JAKMIP1: variants seen among roughly 807,000 people sequenced by gnomAD.
The protein encoded by JAKMIP1 is janus kinase and microtubule-interacting protein 1.
Under a neutral mutation model 113.0 loss-of-function variants are expected in JAKMIP1, and 33 were observed. The ratio of observed to expected loss-of-function variants is 0.29; its 90% CI spans 0.22 to 0.39. JAKMIP1 has a LOEUF of 0.39. Among genes scored for constraint, JAKMIP1 ranks in the 10% least tolerant of loss-of-function variants. The probability of loss-of-function intolerance (pLI) is 1.00; values close to 1 mark genes in which losing one functional copy is unlikely to be tolerated. For synonymous variants in JAKMIP1, 480 were observed against 459.9 expected, an observed-to-expected ratio of 1.04 and a Z score of -0.56; for missense variants, 813 against 1,080.5, an observed-to-expected ratio of 0.75 and a Z score of 3.47.
At position 6,105,170 on chromosome 4, in the gene JAKMIP1, A is replaced by G. The variant is rs534669776; in HGVS notation, c.624+303T>C. ...CTTACCTGGAGATGGAAGTCTGCTCATGGTTGTTGAAGTAAATGAATCAAT... is the reference window on the plus strand; with the variant it reads ...CTTACCTGGAGATGGAAGTCTGCTCGTGGTTGTTGAAGTAAATGAATCAAT... On this transcript the variant is annotated intron_variant, in intron 3 of 20. Transcript: ENST00000409021. Among the ~76,000 whole-genome samples, 22 of 152,348 alleles carry G rather than the reference A, an allele frequency of 1.4e-4. No homozygotes were observed. In the South Asian group the frequency reaches 2.7e-3, roughly 19 times the overall value.
intron 8 of JAKMIP1, among the ~76,000 whole-genome samples, chr4:6,074,932 G>C (rs2108809949): frequency 6.6e-6 from 1 of 152,372 alleles, no homozygotes; most frequent in South Asian, 2.1e-4. Flanking sequence ...AGGTGTGTAG[G>C]AGGCTAGACC....
At position 6,049,734 on chromosome 4, in the gene JAKMIP1, A is replaced by AAAAAC. The variant is rs907000654; in HGVS notation, c.1962+80_1962+84dup. 3.9e-6 allele frequency: 4 copies of AAAAAC among 1,034,230 alleles called. No homozygotes were observed. The highest frequency in any genetic ancestry group is 1.4e-5 in the South Asian group (1 of 73,614). 64.1% of individuals were successfully genotyped at this position (1,034,230 alleles called of 1,614,324 possible). ...AGATCTCTTACATCAGAGAGAAATT[A>AAAAAC]AAAACAAAACAAAACAAAAGTCACA... is the stretch of plus-strand genomic sequence containing the variant. On this transcript the variant is annotated intron_variant, in intron 15 of 20. Coordinates refer to ENST00000409021, the MANE Select transcript of JAKMIP1 (RefSeq NM_001099433.2). The surrounding 1 kb of genome is among the most constrained non-coding windows in gnomAD (Gnocchi z 7.0).
chr4:6,149,340 G>T lies in JAKMIP1; in HGVS notation c.-147-36343C>A, dbSNP rs560118906. On this transcript the variant is annotated intron_variant, in intron 1 of 20. Transcript: ENST00000409021. Reference sequence around the variant, plus strand: ...CAACACTAAGGGCTTTCTCCCAGGAGGAAGAGACAAGCGGAGAAGAACTGC... The same window carrying T: ...CAACACTAAGGGCTTTCTCCCAGGATGAAGAGACAAGCGGAGAAGAACTGC... Among the ~76,000 whole-genome samples the T allele has an allele frequency of 1.3e-4, 20 of 152,310 alleles. No homozygotes were observed. The South Asian group carries it at 3.9e-3, about 30-fold the overall frequency.
At position 6,081,216 on chromosome 4, in the gene JAKMIP1, G is replaced by A. The variant is rs1011964456; in HGVS notation, c.1101+393C>T. Reference sequence around the variant, plus strand: ...AACCCCTCTGCAGAGCATCGCCAGCGATCATTGTAACAGCTTTCACTTGCT... The same window carrying A: ...AACCCCTCTGCAGAGCATCGCCAGCAATCATTGTAACAGCTTTCACTTGCT... On this transcript the variant is annotated intron_variant, in intron 6 of 20. Coordinates refer to ENST00000409021, the MANE Select transcript of JAKMIP1 (RefSeq NM_001099433.2). The surrounding 1 kb of genome is among the most constrained non-coding windows in gnomAD (Gnocchi z 4.6). Among the ~76,000 whole-genome samples the A allele has an allele frequency of 2.0e-5, 3 of 152,204 alleles. No individual in the cohort carries two copies. Among genetic ancestry groups the A allele is most frequent in the Non-Finnish European group, 4.4e-5 (3 of 68,040 alleles).
At chr4:6,056,820 A>G (rs1716536762) in intron 11 of JAKMIP1, 61 bp from the exon 12 acceptor site, 1 of 1,142,378 alleles carries the variant, frequency 8.8e-7, no homozygotes, top group Admixed American at 1.7e-5. Flanking sequence ...CAAGTAACAA[A>G]CTTTTAGTGA....
At position 6,042,235 on chromosome 4, in the gene JAKMIP1, AC is replaced by A; in HGVS notation, c.2029-9del. ...CTCTATTTGCTTCAGCCACTAGAAA[AC>A]AGCAGGGACAGGACGGGTGCAGCAA... On this transcript the variant is annotated splice_polypyrimidine_tract_variant and intron_variant, in intron 16 of 20. Coordinates refer to ENST00000409021, the MANE Select transcript of JAKMIP1 (RefSeq NM_001099433.2). This position sits in a 1 kb window ranked among gnomAD's most constrained non-coding sequence, Gnocchi z 5.2. The A allele has an allele frequency of 6.2e-7, 1 of 1,612,366 alleles. No homozygotes were observed.
chr4:6,056,630 T>C, intron 12 of JAKMIP1, 67 bp downstream of exon 12: 1 of 1,260,974 alleles, frequency 7.9e-7, no homozygotes, highest in Non-Finnish European at 1.2e-6. Context: ...ACCCGTGTAG[T>C]CTGAGCAGGC....
intron 1 of JAKMIP1, among the ~76,000 whole-genome samples, chr4:6,160,522 A>AT (rs1722774728): frequency 6.6e-6 from 1 of 152,130 alleles, no homozygotes; most frequent in Non-Finnish European, 1.5e-5. Context: ...CGCATGCTGC[A>AT]TGCCCTGCTC....
chr4:6,189,107 C>T (rs1007660456), intron 1 of JAKMIP1, among the ~76,000 whole-genome samples: 12 of 152,168 alleles, frequency 7.9e-5, no homozygotes, highest in African/African-American at 2.9e-4. Flanking sequence ...TTCCACAGTG[C>T]ATTCGGAGGG....
chr4:6,169,852 G>A (rs1724137976), intron 1 of JAKMIP1, among the ~76,000 whole-genome samples: 1 of 151,740 alleles, frequency 6.6e-6, no homozygotes, highest in Non-Finnish European at 1.5e-5. Flanking sequence ...GTTGTTATGA[G>A]TAGACATCAG....
intron 20 of JAKMIP1, among the ~76,000 whole-genome samples, chr4:6,027,783 T>C (rs1397728087): frequency 1.3e-5 from 2 of 152,186 alleles, no homozygotes; most frequent in African/African-American, 2.4e-5. Flanking sequence ...GCCGAGGACA[T>C]AGTGAGTGTT....
chr4:6,162,851 C>A lies in JAKMIP1; in HGVS notation c.-148+37402G>T, dbSNP rs912075302. 3.3e-5 allele frequency among the ~76,000 whole-genome samples: 5 copies of A among 152,160 alleles called. No individual in the cohort carries two copies. The highest frequency in any genetic ancestry group is 7.3e-5 in the Non-Finnish European group (5 of 68,032). On this transcript the variant is annotated intron_variant, in intron 1 of 20. Transcript: ENST00000409021. The surrounding 1 kb of genome is among the most constrained non-coding windows in gnomAD (Gnocchi z 5.6). Reference sequence around the variant, plus strand: ...TCAAGGACTCTCTTGAATCCAAAGCCACTCACTGCCACTCCCTCCCATCAC... The same window carrying A: ...TCAAGGACTCTCTTGAATCCAAAGCAACTCACTGCCACTCCCTCCCATCAC...
chr4:6,070,174 G>A, intron 8 of JAKMIP1: 2 of 398,644 alleles, frequency 5.0e-6, no homozygotes, highest in Non-Finnish European at 8.8e-6. Context: ...GTGGCGTGAA[G>A]CTGCAGACAC....
intron 8 of JAKMIP1, among the ~76,000 whole-genome samples, chr4:6,075,897 C>A (rs1413763555): frequency 6.6e-6 from 1 of 152,196 alleles, no homozygotes; most frequent in Non-Finnish European, 1.5e-5. Flanking sequence ...GGAAGAATGG[C>A]CAGTTGCAGC....
At chr4:6,133,381 G>A (rs143584940) in intron 1 of JAKMIP1, among the ~76,000 whole-genome samples, 6 of 152,290 alleles carry the variant, frequency 3.9e-5, no homozygotes, top group South Asian at 2.1e-4. Flanking sequence ...CAAGTACTCC[G>A]TATTATTTAT....
chr4:6,151,278 C>T (rs1429089008), intron 1 of JAKMIP1, among the ~76,000 whole-genome samples: 3 of 152,206 alleles, frequency 2.0e-5, no homozygotes, highest in South Asian at 2.1e-4. Context: ...ACTTTCCCTA[C>T]GGAAAAACTA....
chr4:6,054,942 C>A (rs1212355085), intron 12 of JAKMIP1: 5 of 437,698 alleles, frequency 1.1e-5, no homozygotes, highest in South Asian at 3.2e-5. Context: ...GGGTTTTCTG[C>A]GGCTCCCTGG....
At chr4:6,066,440 C>G (rs1288035447) in intron 8 of JAKMIP1, among the ~76,000 whole-genome samples, 1 of 152,198 alleles carries the variant, frequency 6.6e-6, no homozygotes, top group Non-Finnish European at 1.5e-5. Context: ...ACCCCTCCCA[C>G]ATTCCTCCTT....
rs921442242 is a variant in JAKMIP1 at position 6,192,551 on chromosome 4, CA to C, written c.-148+7701del. Among the ~76,000 whole-genome samples, 7 of 152,148 alleles carry C rather than the reference CA, an allele frequency of 4.6e-5. No homozygotes were observed. The highest frequency in any genetic ancestry group is 7.3e-5 in the Non-Finnish European group (5 of 68,032). On this transcript the variant is annotated intron_variant, in intron 1 of 20. Transcript: ENST00000409021. The surrounding 1 kb of genome is among the most constrained non-coding windows in gnomAD (Gnocchi z 5.0). ...AGATAGGGACATTCTCTTTATTTCA[CA>C]AAAGAAGGAAGTGAAGCTCAGAAAG...
Sources: allele counts gnomAD v4.1 joint callset (sites outside exome capture counted in the v4.1 genomes callset), GRCh38; gene constraint gnomAD v4.1.1; non-coding constraint Gnocchi (gnomAD v3.1); transcripts MANE v1.5; gene names NCBI Gene and HGNC (gene_info 2026-07-23, HGNC 2026-07-21).